Variants in DPP10 observed in about 807,000 individuals in gnomAD.
DPP10 encodes dipeptidyl peptidase like 10.
DPP10 carries 33 observed loss-of-function variants against 120.9 expected under a neutral mutation model. The ratio of observed to expected loss-of-function variants is 0.27; its 90% CI spans 0.21 to 0.37. The LOEUF is 0.37. Among genes scored for constraint, DPP10 ranks in the 10% least tolerant of loss-of-function variants. The probability of loss-of-function intolerance (pLI) is 1.00; values close to 1 mark genes in which losing one functional copy is unlikely to be tolerated. For synonymous variants in DPP10, 337 were observed against 326.1 expected, an observed-to-expected ratio of 1.03 and a Z score of -0.36; for missense variants, 816 against 942.8, an observed-to-expected ratio of 0.87 and a Z score of 1.76.
At chr2:114,446,895 T>C (rs76154103) in intron 1 of DPP10, among the ~76,000 whole-genome samples, 2 of 152,316 alleles carry the variant, frequency 1.3e-5, no homozygotes, top group East Asian at 3.9e-4. Flanking sequence ...AAGTATGTAT[T>C]GTTAAATACG....
chr2:115,425,940 A>G (rs1206528077), intron 3 of DPP10, among the ~76,000 whole-genome samples: 1 of 152,164 alleles, frequency 6.6e-6, no homozygotes, highest in Non-Finnish European at 1.5e-5. Flanking sequence ...ATACCAAACA[A>G]CTAAATCTCG....
In DPP10 at chr2:114,825,749, A is replaced by G. The variant is rs1376002493; in HGVS notation, c.60+382911A>G. 2.0e-5 allele frequency among the ~76,000 whole-genome samples: 3 copies of G among 152,326 alleles called. No individual in the cohort carries two copies. The East Asian group carries it at 5.8e-4, about 29-fold the overall frequency. On this transcript the variant is annotated intron_variant, in intron 1 of 25. Transcript: ENST00000410059. ...ATGCGTGACGAGTCTGATGGAATAG[A>G]TATTCAACTCAGTGACCTTGAAGTA... is the stretch of plus-strand genomic sequence containing the variant.
At chr2:114,886,829 AAAAGTC>A (rs1187345846) in intron 1 of DPP10, among the ~76,000 whole-genome samples, 1 of 152,150 alleles carries the variant, frequency 6.6e-6, no homozygotes, top group East Asian at 1.9e-4. Flanking sequence ...GGCTACCTGG[AAAAGTC>A]ATTCAGTTGC....
chr2:115,155,837 T>C (rs976165647), intron 1 of DPP10, among the ~76,000 whole-genome samples: 2 of 152,188 alleles, frequency 1.3e-5, no homozygotes, highest in Non-Finnish European at 2.9e-5. Flanking sequence ...CAATAAGACT[T>C]ACTACACCCT....
At chr2:115,083,404 GTTC>G (rs1473431703) in intron 1 of DPP10, among the ~76,000 whole-genome samples, 1 of 152,072 alleles carries the variant, frequency 6.6e-6, no homozygotes, top group African/African-American at 2.4e-5. Context: ...ATGTAACTGC[GTTC>G]TTCTCTGCCA....
chr2:115,583,284 G>T (rs186901849), intron 5 of DPP10, among the ~76,000 whole-genome samples: 1 of 152,272 alleles, frequency 6.6e-6, no homozygotes. Flanking sequence ...CTATGTCTAA[G>T]GTTAGTAGCA....
chr2:115,597,328 T>C (rs1476469130), intron 5 of DPP10, among the ~76,000 whole-genome samples: 1 of 151,708 alleles, frequency 6.6e-6, no homozygotes, highest in African/African-American at 2.4e-5. Context: ...GCCAAAGAGA[T>C]CAGGTAAGGC....
intron 1 of DPP10, among the ~76,000 whole-genome samples, chr2:115,156,832 A>C (rs575715897): frequency 4.1e-4 from 63 of 152,270 alleles, no homozygotes; most frequent in African/African-American, 8.2e-4. Context: ...ATACATAGCA[A>C]CCTCTGTCAT....
intron 5 of DPP10, among the ~76,000 whole-genome samples, chr2:115,673,203 A>G (rs2090040318): frequency 6.6e-6 from 1 of 152,152 alleles, no homozygotes; most frequent in Admixed American, 6.5e-5. Flanking sequence ...GATTTAATTG[A>G]TATCCTTTGT....
rs70941009 is a variant in DPP10 at position 114,801,284 on chromosome 2, A to AAAAG, written c.60+358459_60+358462dup. 3.0e-5 allele frequency among the ~76,000 whole-genome samples: 4 copies of AAAAG among 132,752 alleles called. No homozygotes were observed. In the South Asian group the frequency reaches 9.4e-4, roughly 31 times the overall value. 87.1% of individuals were successfully genotyped at this position (132,752 alleles called of 152,430 possible). On this transcript the variant is annotated intron_variant, in intron 1 of 25. Coordinates refer to ENST00000410059, the MANE Select transcript of DPP10 (RefSeq NM_020868.6). ...TATCAAAAAAAAAAAAAAAAAGAAA[A>AAAAG]AAAGAAAGAAAGAAAGGTACAGAAG...
At chr2:115,073,699 C>T (rs1389269269) in intron 1 of DPP10, among the ~76,000 whole-genome samples, 2 of 152,208 alleles carry the variant, frequency 1.3e-5, no homozygotes, top group East Asian at 1.9e-4. Flanking sequence ...AGGTAAATTA[C>T]TGAATCTCTT....
At chr2:114,829,411 G>A (rs1558784230) in intron 1 of DPP10, among the ~76,000 whole-genome samples, 1 of 146,014 alleles carries the variant, frequency 6.8e-6, no homozygotes, top group Non-Finnish European at 1.5e-5. Flanking sequence ...GAGACAGAGT[G>A]TCGCTCTTGT....
intron 17 of DPP10, among the ~76,000 whole-genome samples, chr2:115,783,699 A>G (rs139866966): frequency 6.6e-6 from 1 of 152,302 alleles, no homozygotes; most frequent in East Asian, 1.9e-4. Context: ...AATCAAATAT[A>G]TTCAATATTA....
intron 5 of DPP10, among the ~76,000 whole-genome samples, chr2:115,686,980 C>T (rs900053216): frequency 2.0e-5 from 3 of 151,896 alleles, no homozygotes; most frequent in Non-Finnish European, 4.4e-5. Context: ...TTTGATTTTA[C>T]CCTCTCGTCA....
At chr2:114,857,574 A>C (rs1689471064) in intron 1 of DPP10, among the ~76,000 whole-genome samples, 1 of 152,094 alleles carries the variant, frequency 6.6e-6, no homozygotes, top group African/African-American at 2.4e-5. Flanking sequence ...GCTTCCTCAC[A>C]ACCATCCCAG....
chr2:115,186,830 G>A (rs886883913), intron 1 of DPP10, among the ~76,000 whole-genome samples: 18 of 151,986 alleles, frequency 1.2e-4, no homozygotes, highest in African/African-American at 3.6e-4. Flanking sequence ...AGAGTTTTAA[G>A]TAGGTAACTG....
At chr2:115,276,242 A>G (rs527306724) in intron 1 of DPP10, among the ~76,000 whole-genome samples, 1 of 152,230 alleles carries the variant, frequency 6.6e-6, no homozygotes, top group East Asian at 1.9e-4. Flanking sequence ...ATTTGGGACA[A>G]TCGCCTTTAA....
chr2:114,624,262 G>A (rs1013672936), intron 1 of DPP10, among the ~76,000 whole-genome samples: 3 of 151,812 alleles, frequency 2.0e-5, no homozygotes, highest in Admixed American at 2.0e-4. Context: ...GAGACTGATG[G>A]GTCAAAATTC....
chr2:115,006,583 A>G (rs946188461), intron 1 of DPP10, among the ~76,000 whole-genome samples: 3 of 147,260 alleles, frequency 2.0e-5, no homozygotes, highest in South Asian at 2.2e-4. Context: ...CTCTGATAAA[A>G]CAGACTTTAA....
Sources: gnomAD v4.1 joint callset for allele counts (sites outside exome capture counted in the v4.1 genomes callset) on GRCh38, gnomAD v4.1.1 for gene constraint, MANE v1.5 for transcripts, NCBI Gene and HGNC (gene_info 2026-07-23, HGNC 2026-07-21) for gene names.